Variants in GNAO1 observed in about 807,000 individuals in gnomAD.
GNAO1 encodes guanine nucleotide-binding protein G(o) subunit alpha.
For synonymous variants in GNAO1, 164 were observed against 180.7 expected (o/e 0.91, Z 0.74); for missense variants, 166 against 478.7 (o/e 0.35, Z 6.10).
chr16:56,329,044 C>T (rs1171015683), intron 4 of GNAO1: 5 of 468,798 alleles, frequency 1.1e-5, no homozygotes, highest in Non-Finnish European at 1.5e-5. Flanking sequence ...CCCAGAGGGC[C>T]GGGACCTTGT....
intron 3 of GNAO1, among the ~76,000 whole-genome samples, chr16:56,291,357 T>C (rs1365802628): frequency 2.6e-5 from 4 of 152,220 alleles, no homozygotes; most frequent in African/African-American, 7.2e-5. Flanking sequence ...TCCCCAGTGA[T>C]TAATGATATT....
intron 2 of GNAO1, among the ~76,000 whole-genome samples, chr16:56,206,324 TAA>T (rs562270212): frequency 4.7e-4 from 53 of 113,184 alleles, no homozygotes; most frequent in Admixed American, 6.6e-4. Context: ...CATCTCAATT[TAA>T]AAAAAAAAAA....
At chr16:56,346,889 A>C (rs1456220549) in intron 6 of GNAO1, 3 of 985,358 alleles carry the variant, frequency 3.0e-6, no homozygotes, top group East Asian at 1.1e-4. Context: ...AGGGAAGGCC[A>C]AGGGATGGTC....
chr16:56,294,820 G>A (rs1307859085), intron 3 of GNAO1, among the ~76,000 whole-genome samples: 1 of 152,066 alleles, frequency 6.6e-6, no homozygotes, highest in Non-Finnish European at 1.5e-5. Flanking sequence ...TGTGCACAGT[G>A]GTATTTCACT....
chr16:56,332,901 G>A (rs1166996947), intron 4 of GNAO1, among the ~76,000 whole-genome samples: 1 of 152,264 alleles, frequency 6.6e-6, no homozygotes. Flanking sequence ...CCAGGGCGGG[G>A]CAGGCACAGA....
intron 2 of GNAO1, among the ~76,000 whole-genome samples, chr16:56,227,595 AGAC>A: frequency 6.6e-6 from 1 of 151,580 alleles, no homozygotes; most frequent in Non-Finnish European, 1.5e-5. Context: ...TGCCAAGGCA[AGAC>A]GATCACTTAA....
intron 2 of GNAO1, among the ~76,000 whole-genome samples, chr16:56,257,343 T>C (rs1348416587): frequency 6.6e-6 from 1 of 152,240 alleles, no homozygotes; most frequent in Non-Finnish European, 1.5e-5. Flanking sequence ...AAGGTGCCTT[T>C]CCTACTTGTT....
intron 2 of GNAO1, chr16:56,193,979 C>A (rs969991143): frequency 2.6e-5 from 10 of 380,332 alleles, no homozygotes; most frequent in Non-Finnish European, 4.8e-5. Context: ...AATAAAAACC[C>A]CTTTCGTGGG....
chr16:56,321,159 A>G (rs1353293165), intron 3 of GNAO1, among the ~76,000 whole-genome samples: 3 of 152,236 alleles, frequency 2.0e-5, no homozygotes, highest in Non-Finnish European at 2.9e-5. Context: ...TAGGCCACAC[A>G]TTAGCCTTGG....
At chr16:56,294,217 G>A (rs1273554855) in intron 3 of GNAO1, among the ~76,000 whole-genome samples, 11 of 151,988 alleles carry the variant, frequency 7.2e-5, no homozygotes, top group East Asian at 1.9e-4. Flanking sequence ...AGGCCCCGTC[G>A]CTCTCTGGGC....
intron 3 of GNAO1, among the ~76,000 whole-genome samples, chr16:56,309,830 G>A (rs2037436788): frequency 6.6e-6 from 1 of 152,210 alleles, no homozygotes; most frequent in Non-Finnish European, 1.5e-5. Context: ...TCCCCAGAGT[G>A]GAGAAAGGAC....
At chr16:56,263,642 C>G (rs560582748) in intron 2 of GNAO1, among the ~76,000 whole-genome samples, 1 of 152,246 alleles carries the variant, frequency 6.6e-6, no homozygotes, top group East Asian at 1.9e-4. Flanking sequence ...AACAAGAACC[C>G]CTTTGATTAT....
At chr16:56,269,564 C>T (rs1364575626) in intron 2 of GNAO1, among the ~76,000 whole-genome samples, 3 of 152,220 alleles carry the variant, frequency 2.0e-5, no homozygotes, top group African/African-American at 7.2e-5. Context: ...CTCCCAGGAA[C>T]AGATGCGGAA....
At position 56,199,728 on chromosome 16, in the gene GNAO1, G is replaced by A. The variant is rs542245620; in HGVS notation, c.161+7112G>A. On this transcript the variant is annotated intron_variant, in intron 2 of 8. Coordinates refer to ENST00000262493, the MANE Select transcript of GNAO1 (RefSeq NM_020988.3). The stretch of plus-strand genomic sequence containing the variant: ...TTTCCAGCTCTAAGATGCAGTAAAT[G>A]CAAAGAGAAACTTAGAAGCCTGAAA... 6.6e-5 allele frequency among the ~76,000 whole-genome samples: 10 copies of A among 152,284 alleles called. No individual in the cohort carries two copies. The South Asian group carries it at 1.9e-3, about 28-fold the overall frequency.
chr16:56,345,855 G>T, intron 6 of GNAO1: 1 of 985,478 alleles, frequency 1.0e-6, no homozygotes, highest in Non-Finnish European at 1.2e-6. Flanking sequence ...AGAAGCAGCC[G>T]GCAAAAGGGG....
intron 2 of GNAO1, among the ~76,000 whole-genome samples, chr16:56,232,549 G>T (rs1177433734): frequency 6.6e-6 from 1 of 152,146 alleles, no homozygotes; most frequent in African/African-American, 2.4e-5. Flanking sequence ...AAATCCAACA[G>T]CTCTTTTTGT....
intron 2 of GNAO1, among the ~76,000 whole-genome samples, chr16:56,273,688 AT>A (rs1246240083): frequency 7.3e-5 from 11 of 151,470 alleles, no homozygotes; most frequent in Non-Finnish European, 1.2e-4. Flanking sequence ...GATCAGCTTG[AT>A]TTTTTTTTAA....
intron 3 of GNAO1, among the ~76,000 whole-genome samples, chr16:56,288,343 G>A (rs548126252): frequency 1.3e-4 from 20 of 152,344 alleles, no homozygotes; most frequent in African/African-American, 4.8e-4. Flanking sequence ...GCTGAGGACG[G>A]GGTATCTGAC....
At chr16:56,293,138 C>T (rs1379465297) in intron 3 of GNAO1, among the ~76,000 whole-genome samples, 1 of 152,212 alleles carries the variant, frequency 6.6e-6, no homozygotes, top group African/African-American at 2.4e-5. Context: ...CACCTAACTG[C>T]AGGGAAGTCT....
Sources: gnomAD v4.1 joint callset for allele counts (sites outside exome capture counted in the v4.1 genomes callset) on GRCh38, gnomAD v4.1.1 for gene constraint, MANE v1.5 for transcripts, NCBI Gene and HGNC (gene_info 2026-07-23, HGNC 2026-07-21) for gene names.